The following KIF16B variants were observed in gnomAD, a reference collection of about 807,000 sequenced individuals.
KIF16B encodes the protein kinesin family member 16B.
In KIF16B, 98 loss-of-function variants were observed where a neutral mutation model predicts 156.3. The observed-to-expected ratio is 0.63, with a 90% CI of 0.53 to 0.74. The LOEUF is 0.74. Ranked by LOEUF, KIF16B falls within the 30% of genes least tolerant of loss-of-function variation. The pLI, the probability that KIF16B is intolerant of heterozygous loss-of-function variation, is 0.00. For missense variants in KIF16B, 1,421 were observed against 1,606.5 expected (o/e 0.88, Z 1.97); for synonymous variants, 564 against 583.7 (o/e 0.97, Z 0.49).
chr20:16,403,926 T>G (rs570554485), intron 17 of KIF16B, among the ~76,000 whole-genome samples: 1 of 152,244 alleles, frequency 6.6e-6, no homozygotes, highest in East Asian at 1.9e-4. Flanking sequence ...AAAGCATGAG[T>G]GATGGAATCA....
In KIF16B at chr20:16,374,320, A is replaced by G. The variant is rs2064892773; in HGVS notation, c.3287T>C (p.Val1096Ala). The change falls in exon 20 of 26, where the codon GTG (valine) becomes GCG (alanine). Residue 1096 changes from valine (V) to alanine (A), a missense_variant. Val to Ala is a moderately conservative substitution (Grantham distance 64, BLOSUM62 0). Transcript: ENST00000354981. ...ACTGACTGGCAAGCTGGAAGAAGCCACCTTCCCTTCCAGGGTCCCATGATG... is the reference window on the plus strand; with the variant it reads ...ACTGACTGGCAAGCTGGAAGAAGCCGCCTTCCCTTCCAGGGTCCCATGATG... The part of the protein sequence containing the change: ...KDHHGTLEGK[V>A]ASSSLPVSAE... The G allele has an allele frequency of 1.2e-6, 2 of 1,605,592 alleles. No homozygotes were observed. The highest frequency in any genetic ancestry group is 4.5e-5 in the East Asian group (2 of 44,638).
chr20:16,410,488 A>C (rs2065927000), intron 15 of KIF16B, among the ~76,000 whole-genome samples: 1 of 152,028 alleles, frequency 6.6e-6, no homozygotes, highest in East Asian at 1.9e-4. Context: ...ATAATGAGAT[A>C]TCTTGGAAAT....
At chr20:16,505,691 T>C (rs1279783349) in intron 9 of KIF16B, 31 bp downstream of exon 9, 2 of 1,589,972 alleles carry the variant, frequency 1.3e-6, no homozygotes, top group Admixed American at 1.7e-5. Context: ...GAAAATATTG[T>C]ATGCTCAGAA....
intron 12 of KIF16B, among the ~76,000 whole-genome samples, chr20:16,462,834 G>T (rs1220411941): frequency 6.6e-6 from 1 of 152,200 alleles, no homozygotes; most frequent in Non-Finnish European, 1.5e-5. Flanking sequence ...ATAGCAAAAG[G>T]CTACCTGGGA....
chr20:16,558,328 C>A (rs930934077), intron 1 of KIF16B, among the ~76,000 whole-genome samples: 2 of 152,212 alleles, frequency 1.3e-5, no homozygotes, highest in Non-Finnish European at 2.9e-5. Context: ...AGGTTCCCAG[C>A]CTTCCCTGCA....
chr20:16,505,474 A>C (rs940809889), intron 9 of KIF16B, among the ~76,000 whole-genome samples: 2 of 152,220 alleles, frequency 1.3e-5, no homozygotes, highest in East Asian at 1.9e-4. Flanking sequence ...AGCAAAGAAA[A>C]GCTGAAAAGT....
intron 15 of KIF16B, among the ~76,000 whole-genome samples, chr20:16,422,092 C>T (rs776751281): frequency 1.6e-4 from 25 of 152,056 alleles, no homozygotes; most frequent in Non-Finnish European, 3.2e-4. Context: ...AGATCAAAAA[C>T]CACTTAATAA....
At chr20:16,550,325 A>T (rs1313033665) in intron 1 of KIF16B, among the ~76,000 whole-genome samples, 1 of 151,714 alleles carries the variant, frequency 6.6e-6, no homozygotes, top group Non-Finnish European at 1.5e-5. Context: ...TTAGAATGGC[A>T]GTCATTAAAA....
At chr20:16,316,668 C>G (rs2063702193) in intron 24 of KIF16B, among the ~76,000 whole-genome samples, 1 of 152,150 alleles carries the variant, frequency 6.6e-6, no homozygotes, top group South Asian at 2.1e-4. Context: ...AAACCTCTTA[C>G]CACGGGTTAG....
At chr20:16,275,809 C>T (rs1048944472) in intron 25 of KIF16B, among the ~76,000 whole-genome samples, 1 of 152,164 alleles carries the variant, frequency 6.6e-6, no homozygotes, top group African/African-American at 2.4e-5. Context: ...CGGGAAGGGA[C>T]CCTGAGAATA....
At chr20:16,498,476 T>C (rs909988818) in intron 10 of KIF16B, among the ~76,000 whole-genome samples, 6 of 152,238 alleles carry the variant, frequency 3.9e-5, no homozygotes, top group African/African-American at 9.6e-5. Context: ...TCTGGTCATA[T>C]GCAAGCGTGT....
chr20:16,357,038 G>C (rs1319804189), intron 22 of KIF16B, among the ~76,000 whole-genome samples: 1 of 152,138 alleles, frequency 6.6e-6, no homozygotes, highest in Non-Finnish European at 1.5e-5. Flanking sequence ...TTTATGGCCT[G>C]GGCAGTGGGG....
chr20:16,410,014 G>C lies in KIF16B; in HGVS notation c.1613-3558C>G, dbSNP rs77410429. On this transcript the variant is annotated intron_variant, in intron 15 of 25. Transcript: ENST00000354981. ...ATATGTAGGTACATATATATATGTA[G>C]GTACATATATATATGTAGGTACATA... 9.2e-3 allele frequency among the ~76,000 whole-genome samples: 677 copies of C among 73,726 alleles called. 78 individuals carry two copies. The highest frequency in any genetic ancestry group is 0.026 in the African/African-American group (394 of 15,144). The allele number at this position is 73,726 out of a possible 152,430, so 48.4% of individuals were successfully genotyped here.
At chr20:16,500,033 C>A (rs973741016) in intron 10 of KIF16B, among the ~76,000 whole-genome samples, 1 of 152,070 alleles carries the variant, frequency 6.6e-6, no homozygotes, top group Non-Finnish European at 1.5e-5. Context: ...TACAAGCACC[C>A]CTTGCCTCAC....
intron 12 of KIF16B, among the ~76,000 whole-genome samples, chr20:16,492,346 T>C (rs1032151940): frequency 6.6e-6 from 1 of 152,154 alleles, no homozygotes; most frequent in African/African-American, 2.4e-5. Context: ...CCTTAAAATA[T>C]CAAACACGAG....
At chr20:16,417,165 T>C (rs1025107566) in intron 15 of KIF16B, among the ~76,000 whole-genome samples, 4 of 152,146 alleles carry the variant, frequency 2.6e-5, no homozygotes, top group African/African-American at 4.8e-5. Flanking sequence ...GAGGGAAATA[T>C]GCAGGAAAGC....
chr20:16,387,404 A>G (rs1033820628), intron 17 of KIF16B, among the ~76,000 whole-genome samples: 2 of 152,194 alleles, frequency 1.3e-5, no homozygotes, highest in Non-Finnish European at 2.9e-5. Context: ...TGAGACTCAC[A>G]TAAGTGGAAG....
At chr20:16,464,564 T>C (rs1053467436) in intron 12 of KIF16B, among the ~76,000 whole-genome samples, 2 of 152,164 alleles carry the variant, frequency 1.3e-5, no homozygotes, top group Non-Finnish European at 2.9e-5. Context: ...ATCAAACTTG[T>C]GACAAAACAC....
intron 24 of KIF16B, among the ~76,000 whole-genome samples, chr20:16,312,668 A>ACT (rs1405678493): frequency 6.6e-6 from 1 of 152,064 alleles, no homozygotes; most frequent in African/African-American, 2.4e-5. Flanking sequence ...AATGAATCTG[A>ACT]TTCTCAACAT....
Sources: gnomAD v4.1 joint callset for allele counts (sites outside exome capture counted in the v4.1 genomes callset) on GRCh38, gnomAD v4.1.1 for gene constraint, MANE v1.5 for transcripts, NCBI Gene and HGNC (gene_info 2026-07-23, HGNC 2026-07-21) for gene names.